Variants in NAALADL2 observed in about 807,000 individuals in gnomAD.
The protein encoded by NAALADL2 is inactive N-acetylated-alpha-linked acidic dipeptidase-like protein 2.
A neutral mutation model predicts 87.2 loss-of-function variants in NAALADL2; 76 were observed. That is an observed-to-expected ratio of 0.87 (90% CI 0.72 to 1.05). NAALADL2 has a LOEUF of 1.05. Ranked by LOEUF, NAALADL2 falls within the 50% of genes least tolerant of loss-of-function variation. The pLI is 0.00. For missense variants in NAALADL2, 1,089 were observed against 945.8 expected (o/e 1.15, Z -1.99); for synonymous variants, 354 against 331.0 (o/e 1.07, Z -0.75).
At chr3:175,374,939 C>T (rs1243819323) in intron 5 of NAALADL2, among the ~76,000 whole-genome samples, 4 of 151,864 alleles carry the variant, frequency 2.6e-5, no homozygotes, top group African/African-American at 9.7e-5. Context: ...TGTAGTTTTA[C>T]CTTTTACCTT....
chr3:174,978,160 C>T (rs1170705749), intron 1 of NAALADL2, among the ~76,000 whole-genome samples: 2 of 152,162 alleles, frequency 1.3e-5, no homozygotes, highest in East Asian at 1.9e-4. Flanking sequence ...GAAGTTTGCT[C>T]TTAAGTCTGG....
chr3:174,990,193 C>T (rs1049119911), intron 1 of NAALADL2, among the ~76,000 whole-genome samples: 35 of 152,274 alleles, frequency 2.3e-4, no homozygotes, highest in African/African-American at 6.7e-4. Context: ...CTCATACCCA[C>T]GTTGGTTCTA....
intron 1 of NAALADL2, among the ~76,000 whole-genome samples, chr3:174,448,878 T>C (rs1216078220): frequency 6.6e-6 from 1 of 152,136 alleles, no homozygotes; most frequent in East Asian, 1.9e-4. Context: ...CTTGCTACTG[T>C]CTGGGAAGCC....
chr3:174,572,356 A>G (rs1482208742), intron 2 of NAALADL2, among the ~76,000 whole-genome samples: 1 of 152,206 alleles, frequency 6.6e-6, no homozygotes, highest in African/African-American at 2.4e-5. Flanking sequence ...TTATAGTAAA[A>G]TATCTTAGAA....
chr3:175,146,919 G>GA (rs965020679), intron 2 of NAALADL2, among the ~76,000 whole-genome samples: 12 of 151,606 alleles, frequency 7.9e-5, no homozygotes, highest in African/African-American at 1.4e-4. Flanking sequence ...TTATTTTAAT[G>GA]AAAAAAAATG....
At chr3:175,348,462 A>G (rs1383878258) in intron 5 of NAALADL2, among the ~76,000 whole-genome samples, 1 of 152,234 alleles carries the variant, frequency 6.6e-6, no homozygotes, top group African/African-American at 2.4e-5. Flanking sequence ...ATAGTATTCA[A>G]TACTGGAAAA....
At chr3:175,646,548 T>C (rs903029941) in intron 11 of NAALADL2, among the ~76,000 whole-genome samples, 1 of 152,096 alleles carries the variant, frequency 6.6e-6, no homozygotes. Context: ...GCTAATTGTC[T>C]TGTCATTAGT....
intron 3 of NAALADL2, among the ~76,000 whole-genome samples, chr3:174,761,394 AAATAT>A (rs1331429340): frequency 6.6e-6 from 1 of 152,198 alleles, no homozygotes; most frequent in East Asian, 1.9e-4. Context: ...GTGTAAAATA[AAATAT>A]AATTTAATGT....
chr3:175,534,744 T>C (rs539067989), intron 9 of NAALADL2, among the ~76,000 whole-genome samples: 1 of 152,218 alleles, frequency 6.6e-6, no homozygotes, highest in South Asian at 2.1e-4. Flanking sequence ...AGTTTAGGAC[T>C]ATGCTCCTGG....
intron 13 of NAALADL2, among the ~76,000 whole-genome samples, chr3:175,777,043 C>T (rs1289292797): frequency 6.6e-6 from 1 of 151,532 alleles, no homozygotes; most frequent in African/African-American, 2.4e-5. Context: ...GAAAGGGAAC[C>T]AGTGTCATGG....
intron 2 of NAALADL2, among the ~76,000 whole-genome samples, chr3:175,210,515 G>A (rs1741615086): frequency 6.6e-6 from 1 of 151,508 alleles, no homozygotes; most frequent in Non-Finnish European, 1.5e-5. Flanking sequence ...CATAATATAA[G>A]TGAATATGTA....
chr3:175,183,997 T>G (rs1483761234), intron 2 of NAALADL2, among the ~76,000 whole-genome samples: 1 of 151,996 alleles, frequency 6.6e-6, no homozygotes, highest in Non-Finnish European at 1.5e-5. Context: ...TTCAAGCCCT[T>G]CAGCTTTCTG....
intron 3 of NAALADL2, among the ~76,000 whole-genome samples, chr3:174,746,245 A>T (rs1048318782): frequency 6.6e-6 from 1 of 152,178 alleles, no homozygotes; most frequent in Non-Finnish European, 1.5e-5. Flanking sequence ...CAGGATACAA[A>T]ATCAATGTAC....
intron 13 of NAALADL2, among the ~76,000 whole-genome samples, chr3:175,782,629 C>T (rs1215949040): frequency 0.016 from 2,190 of 135,028 alleles, 45 homozygotes; most frequent in African/African-American, 0.069. Flanking sequence ...GAGTAGGTTG[C>T]GAAAATTTTC....
chr3:174,932,899 C>T (rs1336979053), intron 1 of NAALADL2, among the ~76,000 whole-genome samples: 2 of 152,174 alleles, frequency 1.3e-5, no homozygotes, highest in Non-Finnish European at 2.9e-5. Context: ...GGACGGGTCA[C>T]CTGAGGTCAG....
At chr3:174,860,644 AC>A (rs1379958085) in intron 1 of NAALADL2, among the ~76,000 whole-genome samples, 1 of 152,064 alleles carries the variant, frequency 6.6e-6, no homozygotes, top group Non-Finnish European at 1.5e-5. Context: ...TTTGGCAACC[AC>A]CTAAATAGCC....
At chr3:174,461,624 G>A (rs1030166326) in intron 1 of NAALADL2, among the ~76,000 whole-genome samples, 1 of 151,984 alleles carries the variant, frequency 6.6e-6, no homozygotes, top group African/African-American at 2.4e-5. Context: ...TACAAACTTT[G>A]TAGTAACTTA....
At chr3:174,609,717 A>G (rs1719589654) in intron 2 of NAALADL2, among the ~76,000 whole-genome samples, 1 of 152,214 alleles carries the variant, frequency 6.6e-6, no homozygotes, top group Non-Finnish European at 1.5e-5. Context: ...AAGAATCAAT[A>G]TCGTGAAAAT....
intron 13 of NAALADL2, among the ~76,000 whole-genome samples, chr3:175,771,841 C>T (rs551292453): frequency 5.9e-5 from 9 of 152,240 alleles, no homozygotes; most frequent in African/African-American, 1.9e-4. Context: ...TAATTACTCA[C>T]AGGTCAGCAT....
Sources: allele counts gnomAD v4.1 joint callset (sites outside exome capture counted in the v4.1 genomes callset), GRCh38; gene constraint gnomAD v4.1.1; transcripts MANE v1.5; gene names NCBI Gene and HGNC (gene_info 2026-07-23, HGNC 2026-07-21).